Variants in GRIK4 observed in about 807,000 individuals in gnomAD.
GRIK4 encodes glutamate ionotropic receptor kainate type subunit 4, also known as glutamate receptor ionotropic, kainate 4.
GRIK4 carries 40 observed loss-of-function variants against 104.9 expected under a neutral mutation model. The ratio of observed to expected loss-of-function variants is 0.38; its 90% confidence interval spans 0.30 to 0.50. The LOEUF (loss-of-function observed/expected upper bound fraction) is 0.50. GRIK4 is among the 20% of genes least tolerant of loss of function. GRIK4 has a pLI of 0.93. For synonymous variants in GRIK4, 485 were observed against 524.9 expected (o/e 0.92, Z 1.04); for missense variants, 1,047 against 1,308.1 (o/e 0.80, Z 3.08).
chr11:120,823,681 G>A (rs557250830), intron 6 of GRIK4, among the ~76,000 whole-genome samples: 1 of 152,336 alleles, frequency 6.6e-6, no homozygotes, highest in South Asian at 2.1e-4. Context: ...AGTGTTCAGG[G>A]AAGGGCAGAG....
At chr11:120,788,860 C>T (rs777847499) in intron 3 of GRIK4, among the ~76,000 whole-genome samples, 2 of 151,910 alleles carry the variant, frequency 1.3e-5, no homozygotes, top group Non-Finnish European at 2.9e-5. Flanking sequence ...ACTTCTCGGC[C>T]GCTCCTCCAC....
intron 3 of GRIK4, among the ~76,000 whole-genome samples, chr11:120,679,661 C>T (rs1293599726): frequency 6.6e-6 from 1 of 152,216 alleles, no homozygotes; most frequent in East Asian, 1.9e-4. Context: ...AGCAGGGACC[C>T]TCCTGGCAGG....
rs1200288090 is a variant in GRIK4 at position 120,716,105 on chromosome 11, G to A, written c.82+55705G>A. On this transcript the variant is annotated intron_variant, in intron 3 of 20. Transcript: ENST00000527524. ...GTACGGAGCCTCCACTGTTCTGTAGGCAATGGTGAGCTGGCTAAGGCTTCT... is the reference window on the plus strand; with the variant it reads ...GTACGGAGCCTCCACTGTTCTGTAGACAATGGTGAGCTGGCTAAGGCTTCT... Among the ~76,000 whole-genome samples the A allele has an allele frequency of 2.0e-5, 3 of 152,104 alleles. No homozygotes were observed. The East Asian group carries it at 5.8e-4, about 29-fold the overall frequency.
At chr11:120,528,957 C>G (rs1947894007) in intron 1 of GRIK4, among the ~76,000 whole-genome samples, 1 of 152,188 alleles carries the variant, frequency 6.6e-6, no homozygotes, top group Admixed American at 6.5e-5. Context: ...ATCTACAGCA[C>G]TTTAGTTTCC....
chr11:120,835,952 C>T (rs1953565997), intron 7 of GRIK4, among the ~76,000 whole-genome samples: 1 of 152,188 alleles, frequency 6.6e-6, no homozygotes, highest in African/African-American at 2.4e-5. Context: ...GTGAGGCATG[C>T]CACAGGCAAC....
At chr11:120,634,145 T>C (rs1949366839) in intron 1 of GRIK4, among the ~76,000 whole-genome samples, 1 of 152,166 alleles carries the variant, frequency 6.6e-6, no homozygotes, top group Non-Finnish European at 1.5e-5. Context: ...CGATAATATA[T>C]GTAAAGTGCT....
Position 120,778,546 on chromosome 11 carries a change from A to G in GRIK4, c.83-24147A>G, listed in dbSNP as rs547293875. 5.9e-5 allele frequency among the ~76,000 whole-genome samples: 9 copies of G among 152,320 alleles called. No homozygotes were observed. The South Asian group carries it at 1.9e-3, about 32-fold the overall frequency. ...AGTTTTAAAATCGGCTTTTTCAAACACTGATTTACCCTTTGGGTCTGCCAG... is the reference window on the plus strand; with the variant it reads ...AGTTTTAAAATCGGCTTTTTCAAACGCTGATTTACCCTTTGGGTCTGCCAG... On this transcript the variant is annotated intron_variant, in intron 3 of 20. Coordinates refer to ENST00000527524, the MANE Select transcript of GRIK4 (RefSeq NM_014619.5).
chr11:120,940,519 A>C lies in GRIK4; in HGVS notation c.1590+59A>C. Reference sequence around the variant, plus strand: ...TAAAGTTATTTGCATGCAAACACTGAGTTATACGGGAATAATGAATGACTC... The same window carrying C: ...TAAAGTTATTTGCATGCAAACACTGCGTTATACGGGAATAATGAATGACTC... On this transcript the variant is annotated intron_variant, in intron 14 of 20. Coordinates refer to ENST00000527524, the MANE Select transcript of GRIK4 (RefSeq NM_014619.5). The surrounding 1 kb of genome is among the most constrained non-coding windows in gnomAD (Gnocchi z 4.3). 1 of 911,812 alleles carries C rather than the reference A, an allele frequency of 1.1e-6. No homozygotes were observed. Among genetic ancestry groups the C allele is most frequent in the Non-Finnish European group, 1.8e-6 (1 of 557,216 alleles). The allele number at this position is 911,812 out of a possible 1,614,324, so 56.5% of individuals were successfully genotyped here.
chr11:120,656,078 GA>G, intron 2 of GRIK4, among the ~76,000 whole-genome samples: 1 of 152,280 alleles, frequency 6.6e-6, no homozygotes, highest in Middle Eastern at 3.4e-3. Flanking sequence ...CTAACTTCAG[GA>G]TAAGTTCTTT....
At chr11:120,934,511 G>A (rs905087133) in intron 13 of GRIK4, among the ~76,000 whole-genome samples, 6 of 152,078 alleles carry the variant, frequency 3.9e-5, no homozygotes, top group African/African-American at 1.2e-4. Flanking sequence ...CAGTGGCCAC[G>A]CCAAGCCTTC....
Position 120,898,172 on chromosome 11 carries a change from G to T in GRIK4, c.1165-360G>T, listed in dbSNP as rs535103130. Among the ~76,000 whole-genome samples, 356 of 152,268 alleles carry T rather than the reference G, an allele frequency of 2.3e-3. 1 individual carries two copies. The highest frequency in any genetic ancestry group is 8.2e-3 in the African/African-American group (341 of 41,564). ...ATCAGAAATGATTGAAGGCAGGCCGGATCAAAAGAACTCCGCAGCCCATCC... is the reference window on the plus strand; with the variant it reads ...ATCAGAAATGATTGAAGGCAGGCCGTATCAAAAGAACTCCGCAGCCCATCC... On this transcript the variant is annotated intron_variant, in intron 11 of 20. Transcript: ENST00000527524.
chr11:120,832,317 C>T (rs1019679557), intron 7 of GRIK4, among the ~76,000 whole-genome samples: 10 of 152,066 alleles, frequency 6.6e-5, no homozygotes, highest in Admixed American at 1.3e-4. Context: ...GAGAGGTCTG[C>T]GGGTTCCTAG....
chr11:120,737,513 G>A (rs948033), intron 3 of GRIK4, among the ~76,000 whole-genome samples: 113,682 of 152,088 alleles, frequency 0.75, 42,853 homozygotes, highest in Middle Eastern at 0.85. Flanking sequence ...TGAACTGCAC[G>A]GAAGTATGCA....
At chr11:120,808,185 G>A (rs1431108758) in intron 4 of GRIK4, among the ~76,000 whole-genome samples, 1 of 152,226 alleles carries the variant, frequency 6.6e-6, no homozygotes, top group Admixed American at 6.5e-5. Flanking sequence ...CCTGGCTTCA[G>A]TGTAGAGCAA....
intron 1 of GRIK4, among the ~76,000 whole-genome samples, chr11:120,518,455 A>T (rs879848211): frequency 2.0e-5 from 3 of 151,840 alleles, no homozygotes; most frequent in Admixed American, 6.6e-5. Context: ...AGCTATATAT[A>T]TTTTTTTTAA....
intron 13 of GRIK4, among the ~76,000 whole-genome samples, chr11:120,927,514 CCACAT>C: frequency 7.0e-6 from 1 of 143,054 alleles, no homozygotes. Context: ...TTGCAGTGAA[CCACAT>C]CACATCACTG....
At position 120,875,185 on chromosome 11, in the gene GRIK4, G is replaced by T. The variant is rs1350677544; in HGVS notation, c.1106G>T (p.Gly369Val). Reference sequence around the variant, plus strand: ...GGCCACATTGAATTCAACAGCAAAGGCCAGAGGTCCAACTACGCTTTGAAA... The same window carrying T: ...GGCCACATTGAATTCAACAGCAAAGTCCAGAGGTCCAACTACGCTTTGAAA... ...LTGHIEFNSK[G>V]QRSNYALKIL... Residue 369 changes from glycine to valine, a missense_variant, in exon 11 of 21, where the codon GGC becomes GTC. Gly to Val is a moderately radical substitution (Grantham distance 109). This residue lies in a region of GRIK4 where 447 missense variants were observed against 514.9 expected (regional missense o/e 0.87). Coordinates refer to ENST00000527524, the MANE Select transcript of GRIK4 (RefSeq NM_014619.5). The T allele has an allele frequency of 1.2e-6, 2 of 1,613,626 alleles. No homozygotes were observed. The highest frequency in any genetic ancestry group is 2.7e-5 in the African/African-American group (2 of 74,918).
intron 3 of GRIK4, among the ~76,000 whole-genome samples, chr11:120,690,826 C>A (rs1487413145): frequency 1.3e-5 from 2 of 152,220 alleles, no homozygotes; most frequent in Non-Finnish European, 2.9e-5. Context: ...TTAATGGTGT[C>A]CCAAGCTGCC....
Position 120,940,476 on chromosome 11 carries a change from T to C in GRIK4, c.1590+16T>C, listed in dbSNP as rs765207268. 1.5e-6 allele frequency: 2 copies of C among 1,352,100 alleles called. No homozygotes were observed. Among genetic ancestry groups the C allele is most frequent in the African/African-American group, 2.9e-5 (2 of 69,728 alleles). 83.8% of individuals were successfully genotyped at this position (1,352,100 alleles called of 1,614,324 possible). A position where few individuals can be genotyped will look rare whatever the true frequency, so the allele number is the denominator to read the frequency against. Reference sequence around the variant, plus strand: ...CGTTCATATGGTAAGAGACTTATTTTATAAGCATTTATGTCATTAAAGTTA... The same window carrying C: ...CGTTCATATGGTAAGAGACTTATTTCATAAGCATTTATGTCATTAAAGTTA... On this transcript the variant is annotated intron_variant, in intron 14 of 20. Coordinates refer to ENST00000527524, the MANE Select transcript of GRIK4 (RefSeq NM_014619.5). This position sits in a 1 kb window ranked among gnomAD's most constrained non-coding sequence, Gnocchi z 4.3.
Sources: gnomAD v4.1 joint callset for allele counts (sites outside exome capture counted in the v4.1 genomes callset) on GRCh38, gnomAD v4.1.1 for gene constraint, gnomAD v4.1.1 regional missense constraint, Gnocchi (gnomAD v3.1) non-coding constraint, MANE v1.5 for transcripts, NCBI Gene and HGNC (gene_info 2026-07-23, HGNC 2026-07-21) for gene names.